The following NIPAL1 variants were observed in gnomAD, a reference collection of about 807,000 sequenced individuals.
NIPAL1 encodes the protein NIPA like domain containing 1.
In NIPAL1, 35 loss-of-function variants were observed where a neutral mutation model predicts 37.7. The ratio of observed to expected loss-of-function variants is 0.93; its 90% CI spans 0.71 to 1.23. The LOEUF is 1.23. Ranked by LOEUF, NIPAL1 falls within the 50% of genes most tolerant of loss-of-function variation. The pLI is 0.00. For synonymous variants in NIPAL1, 162 were observed against 183.0 expected (o/e 0.89, Z 0.93); for missense variants, 412 against 473.9 (o/e 0.87, Z 1.21).
intron 1 of NIPAL1, among the ~76,000 whole-genome samples, chr4:48,017,689 G>T (rs910989002): frequency 6.6e-6 from 1 of 152,166 alleles, no homozygotes; most frequent in Non-Finnish European, 1.5e-5. Context: ...AGTAGGGAAG[G>T]GGGTAGGGGG....
chr4:48,022,855 G>T (rs1257151973), intron 1 of NIPAL1, among the ~76,000 whole-genome samples: 1 of 152,028 alleles, frequency 6.6e-6, no homozygotes, highest in Non-Finnish European at 1.5e-5. Context: ...GGGCATGGTG[G>T]TGCATGCCTG....
intron 3 of NIPAL1, among the ~76,000 whole-genome samples, chr4:48,031,135 G>A (rs1332469379): frequency 6.6e-6 from 1 of 151,994 alleles, no homozygotes; most frequent in East Asian, 1.9e-4. Flanking sequence ...CAGGATCTCG[G>A]CCCACTGCAG....
intron 2 of NIPAL1, among the ~76,000 whole-genome samples, chr4:48,026,273 T>A (rs958151101): frequency 2.6e-5 from 4 of 152,220 alleles, no homozygotes; most frequent in Non-Finnish European, 4.4e-5. Flanking sequence ...AGATGCTAAG[T>A]AGGTCTACCT....
Position 48,038,057 on chromosome 4 carries a change from G to A in NIPAL1, c.*1885G>A, listed in dbSNP as rs1013932977. Reference sequence around the variant, plus strand: ...TAATAATGGTAAACTTTATTATTCAGAATTCGATTAAACTAACTTCAGCAT... The same window carrying A: ...TAATAATGGTAAACTTTATTATTCAAAATTCGATTAAACTAACTTCAGCAT... On this transcript the variant is annotated 3_prime_UTR_variant, in exon 6 of 6. Coordinates refer to ENST00000295461, the MANE Select transcript of NIPAL1 (RefSeq NM_207330.3). The A allele has an allele frequency of 1.9e-4, 29 of 152,040 alleles. No individual in the cohort carries two copies. The highest frequency in any genetic ancestry group is 6.5e-4 in the African/African-American group (27 of 41,408). The allele number at this position is 152,040 out of a possible 1,614,324, so 9.4% of individuals were successfully genotyped here.
Position 48,027,010 on chromosome 4 carries a change from G to A in NIPAL1, c.313+1676G>A, listed in dbSNP as rs559656265. Among the ~76,000 whole-genome samples the A allele has an allele frequency of 2.7e-3, 408 of 151,238 alleles. 3 individuals are homozygous for A. Among genetic ancestry groups the A allele is most frequent in the African/African-American group, 9.2e-3 (377 of 41,184 alleles). ...TGGGATTACAGGTGTGAGCCACTGC[G>A]CCTGGCCAAAAAATGAAATAATTTA... On this transcript the variant is annotated intron_variant, in intron 2 of 5. Transcript: ENST00000295461. This position sits in a 1 kb window ranked among gnomAD's most constrained non-coding sequence, Gnocchi z 4.1.
chr4:48,017,841 A>G (rs1199546117), intron 1 of NIPAL1, among the ~76,000 whole-genome samples: 20 of 141,660 alleles, frequency 1.4e-4, no homozygotes, highest in Non-Finnish European at 4.6e-5. Flanking sequence ...ATATATACAC[A>G]TATATATATA....
At chr4:48,018,767 T>C (rs963627500) in intron 1 of NIPAL1, among the ~76,000 whole-genome samples, 2 of 152,158 alleles carry the variant, frequency 1.3e-5, no homozygotes, top group African/African-American at 4.8e-5. Flanking sequence ...TAGGACTAGG[T>C]TCCTGCTCTC....
chr4:48,035,928 ATGGCATGACAGCTGGAGATATCAT>A lies in NIPAL1; in HGVS notation c.993_1016del (p.Met332_Gly339del). The A allele has an allele frequency of 6.2e-7, 1 of 1,614,016 alleles. No homozygotes were observed. The highest frequency in any genetic ancestry group is 1.1e-5 in the South Asian group (1 of 91,064). On this transcript the variant is annotated inframe_deletion, in exon 6 of 6. Transcript: ENST00000295461. ...TCTGCCATCTTATTCCAAGAGTGGTATGGCATGACAGCTGGAGATATCATTGGGACCCTGAGTGGATTCTTCACT... is the reference window on the plus strand; with the variant it reads ...TCTGCCATCTTATTCCAAGAGTGGTATGGGACCCTGAGTGGATTCTTCACT...
intron 2 of NIPAL1, 131 bp from the exon 3 acceptor site, chr4:48,029,989 G>A (rs1715784396): frequency 1.8e-6 from 1 of 548,410 alleles, no homozygotes; most frequent in Admixed American, 2.9e-5. Context: ...AAGTAAATAA[G>A]CTAAGAGACT....
intron 1 of NIPAL1, 140 bp downstream of exon 1, chr4:48,017,025 G>T (rs1715433181): frequency 1.4e-6 from 1 of 715,036 alleles, no homozygotes; most frequent in Non-Finnish European, 2.3e-6. Context: ...CATTCATTCA[G>T]TCAGTCGGCC....
At chr4:48,035,421 T>C (rs1405388579) in intron 5 of NIPAL1, 141 bp from the exon 6 acceptor site, 8 of 753,110 alleles carry the variant, frequency 1.1e-5, no homozygotes, top group Non-Finnish European at 1.5e-5. Context: ...TTGAGAACTA[T>C]GCAATAGAAT....
In NIPAL1 at chr4:48,035,805, C is replaced by T; in HGVS notation, c.866C>T (p.Thr289Ile). The T allele has an allele frequency of 2.5e-6, 4 of 1,614,228 alleles. No homozygotes were observed. The highest frequency in any genetic ancestry group is 2.5e-6 in the Non-Finnish European group (3 of 1,180,028). ...GCTGTACTTGTGCTTTCAGTAACTA[C>T]ACAGATTAACTATCTCAACAAGGCA... ...LLAVLVLSVT[T>I]QINYLNKALD... Residue 289 changes from threonine (T) to isoleucine (I), a missense_variant, in exon 6 of 6, where the codon ACA (threonine) becomes ATA (isoleucine). Physicochemically the swap from Thr to Ile is moderately conservative, Grantham distance 89. Coordinates refer to ENST00000295461, the MANE Select transcript of NIPAL1 (RefSeq NM_207330.3).
chr4:48,027,353 C>T lies in NIPAL1; in HGVS notation c.313+2019C>T, dbSNP rs1438593877. 6.6e-6 allele frequency among the ~76,000 whole-genome samples: 1 copy of T among 152,050 alleles called. No homozygotes were observed. The highest frequency in any genetic ancestry group is 2.4e-5 in the African/African-American group (1 of 41,392). On this transcript the variant is annotated intron_variant, in intron 2 of 5. Coordinates refer to ENST00000295461, the MANE Select transcript of NIPAL1 (RefSeq NM_207330.3). This position sits in a 1 kb window ranked among gnomAD's most constrained non-coding sequence, Gnocchi z 4.1. ...GTAAGTAAATATTGTTTCACTAGTACCCAAAGAGATACCAACTAGACAATA... is the reference window on the plus strand; with the variant it reads ...GTAAGTAAATATTGTTTCACTAGTATCCAAAGAGATACCAACTAGACAATA...
rs1025489011 is a variant in NIPAL1 at position 48,037,805 on chromosome 4, T to C, written c.*1633T>C. On this transcript the variant is annotated 3_prime_UTR_variant, in exon 6 of 6. Transcript: ENST00000295461. ...TGCATGGCAGGAATAACATTTTTGG[T>C]GGTCTTTAATGTGATGGACAGATTT... is the stretch of plus-strand genomic sequence containing the variant. The C allele has an allele frequency of 6.6e-6, 1 of 152,188 alleles. No individual in the cohort carries two copies. Among genetic ancestry groups the C allele is most frequent in the African/African-American group, 2.4e-5 (1 of 41,452 alleles). The allele number at this position is 152,188 out of a possible 1,614,324, so 9.4% of individuals were successfully genotyped here. A position where few individuals can be genotyped will look rare whatever the true frequency, so the allele number is the denominator to read the frequency against.
intron 1 of NIPAL1, among the ~76,000 whole-genome samples, chr4:48,021,046 C>G (rs772370768): frequency 6.6e-6 from 1 of 152,054 alleles, no homozygotes; most frequent in African/African-American, 2.4e-5. Flanking sequence ...TTTCAACTGG[C>G]TTTTTCTTGT....
rs1190213687 is a variant in NIPAL1, at chr4:48,035,704, AG to A, written c.767del (p.Gly256AlafsTer9). ...IGAFSVSSVK[G>X]LGIAIKELIE... ...GAGCGTTTTCAGTTTCTTCTGTGAA[AG>A]GCCTGGGAATTGCCATTAAGGAGCT... On this transcript the variant is annotated frameshift_variant, in exon 6 of 6. Transcript: ENST00000295461. LOFTEE classifies it high-confidence loss of function. The A allele has an allele frequency of 6.2e-7, 1 of 1,614,070 alleles. No homozygotes were observed. Among genetic ancestry groups the A allele is most frequent in the Non-Finnish European group, 8.5e-7 (1 of 1,180,000 alleles).
In NIPAL1 at chr4:48,037,247, A is replaced by C; in HGVS notation, c.*1075A>C. The C allele has an allele frequency of 2.3e-6, 1 of 435,432 alleles. No homozygotes were observed. The highest frequency in any genetic ancestry group is 4.5e-6 in the Non-Finnish European group (1 of 221,060). 27.0% of individuals were successfully genotyped at this position (435,432 alleles called of 1,614,324 possible). On this transcript the variant is annotated 3_prime_UTR_variant, in exon 6 of 6. Coordinates refer to ENST00000295461, the MANE Select transcript of NIPAL1 (RefSeq NM_207330.3). ...AGATAAAGGAAAAAGTTTTCTTCTC[A>C]CAAAAACACAGACACGTGATTGTTT...
chr4:48,036,213 C>A lies in NIPAL1; in HGVS notation c.*41C>A. ...TGAGTTTTAACCAATATGAGACACA[C>A]GAAGAGGAAAATGAATGCTTGCTTC... On this transcript the variant is annotated 3_prime_UTR_variant, in exon 6 of 6. Coordinates refer to ENST00000295461, the MANE Select transcript of NIPAL1 (RefSeq NM_207330.3). 6 of 1,525,038 alleles carry A rather than the reference C, an allele frequency of 3.9e-6. No homozygotes were observed. Among genetic ancestry groups the A allele is most frequent in the Non-Finnish European group, 4.4e-6 (5 of 1,140,630 alleles). The allele number at this position is 1,525,038 out of a possible 1,614,324, so 94.5% of individuals were successfully genotyped here.
chr4:48,025,272 C>G lies in NIPAL1; in HGVS notation c.251C>G (p.Ser84Cys), dbSNP rs925190461. The stretch of plus-strand genomic sequence containing the variant: ...GTAAGCTCAAGTATTTTTATTGGCT[C>G]CAGCTTCATACTGAAAAAGAAGGGC... ...LAVSSSIFIGSSFILKKKGLL... is the reference protein window; with the variant it reads ...LAVSSSIFIGCSFILKKKGLL... The change falls in exon 2 of 6, where the codon TCC becomes TGC. Residue 84 changes from serine to cysteine, a missense_variant. Transcript: ENST00000295461. 1.8e-5 allele frequency: 29 copies of G among 1,613,992 alleles called. No individual in the cohort carries two copies. In the East Asian group the frequency reaches 6.5e-4, roughly 36 times the overall value.
Sources: allele counts gnomAD v4.1 joint callset (sites outside exome capture counted in the v4.1 genomes callset), GRCh38; gene constraint gnomAD v4.1.1; non-coding constraint Gnocchi (gnomAD v3.1); transcripts MANE v1.5; gene names NCBI Gene and HGNC (gene_info 2026-07-23, HGNC 2026-07-21).